The following HDAC9 variants were observed in gnomAD, a reference collection of about 807,000 sequenced individuals.
HDAC9 encodes the protein MEF-2 interacting transcription repressor (MITR) protein.
A neutral mutation model predicts 139.4 loss-of-function variants in HDAC9; 41 were observed. The ratio of observed to expected loss-of-function variants is 0.29; its 90% CI spans 0.23 to 0.38. The LOEUF (loss-of-function observed/expected upper bound fraction) is 0.38, where lower values mean the gene tolerates loss of function less well. HDAC9 is among the 10% of genes least tolerant of loss of function. The pLI is 1.00. For synonymous variants in HDAC9, 517 were observed against 476.2 expected, an observed-to-expected ratio of 1.09 and a Z score of -1.12; for missense variants, 1,147 against 1,297.0, an observed-to-expected ratio of 0.88 and a Z score of 1.78.
chr7:18,591,126 G>C (rs1830822206), intron 4 of HDAC9, among the ~76,000 whole-genome samples: 2 of 152,098 alleles, frequency 1.3e-5, no homozygotes, highest in Admixed American at 1.3e-4. Context: ...ATTTTAATGT[G>C]TTTAAGGGAT....
intron 13 of HDAC9, among the ~76,000 whole-genome samples, chr7:18,742,990 TG>T (rs1787594702): frequency 6.6e-6 from 1 of 152,228 alleles, no homozygotes; most frequent in Non-Finnish European, 1.5e-5. Context: ...AATCTTATTT[TG>T]CTTCCTATAG....
At chr7:18,889,096 C>T (rs1008429035) in intron 22 of HDAC9, among the ~76,000 whole-genome samples, 1 of 152,164 alleles carries the variant, frequency 6.6e-6, no homozygotes, top group African/African-American at 2.4e-5. Flanking sequence ...TCTATGTACT[C>T]TCTACCCTAC....
At chr7:18,178,896 T>C (rs763991803) in intron 2 of HDAC9, among the ~76,000 whole-genome samples, 6 of 152,350 alleles carry the variant, frequency 3.9e-5, no homozygotes, top group Middle Eastern at 3.4e-3. Context: ...TTTAAAGTGA[T>C]AGACTAATAA....
chr7:18,446,884 T>A (rs1355763405), intron 1 of HDAC9, among the ~76,000 whole-genome samples: 2 of 152,182 alleles, frequency 1.3e-5, no homozygotes, highest in Non-Finnish European at 2.9e-5. Flanking sequence ...ATGATTAATT[T>A]TTTTCCTAAG....
rs1301916818 is a variant in HDAC9 at position 18,255,343 on chromosome 7, G to A, written c.25+92994G>A. On this transcript the variant is annotated intron_variant, in intron 2 of 12. Coordinates refer to the HDAC9 transcript ENST00000417496. ...GATTCTTTTTAGGTTGGAGAGCCGG[G>A]CAAGACAACATCATGAGGAAGGAAG... is the stretch of plus-strand genomic sequence containing the variant. Among the ~76,000 whole-genome samples, 3 of 152,300 alleles carry A rather than the reference G, an allele frequency of 2.0e-5. No individual in the cohort carries two copies. The East Asian group carries it at 5.8e-4, about 29-fold the overall frequency.
chr7:18,857,964 A>G (rs1393854731), intron 21 of HDAC9, among the ~76,000 whole-genome samples: 2 of 152,188 alleles, frequency 1.3e-5, no homozygotes, highest in Non-Finnish European at 2.9e-5. Flanking sequence ...TGATGTACTA[A>G]TAACTGTGGA....
At chr7:18,434,177 A>G (rs545622814) in intron 1 of HDAC9, among the ~76,000 whole-genome samples, 48 of 152,318 alleles carry the variant, frequency 3.2e-4, no homozygotes, top group African/African-American at 1.1e-3. Flanking sequence ...TGATTCCTAT[A>G]TAATATATGG....
intron 2 of HDAC9, among the ~76,000 whole-genome samples, chr7:18,273,925 C>G (rs1407169098): frequency 6.6e-6 from 1 of 152,096 alleles, no homozygotes; most frequent in East Asian, 1.9e-4. Flanking sequence ...TTGTGAAGTT[C>G]AATGTCACCA....
At chr7:18,272,683 A>C (rs1394929261) in intron 2 of HDAC9, among the ~76,000 whole-genome samples, 1 of 152,142 alleles carries the variant, frequency 6.6e-6, no homozygotes, top group African/African-American at 2.4e-5. Context: ...TCAATGGAGA[A>C]ATACTATTTT....
intron 1 of HDAC9, among the ~76,000 whole-genome samples, chr7:18,393,138 A>T (rs571398405): frequency 7.1e-4 from 105 of 148,496 alleles, no homozygotes; most frequent in African/African-American, 1.5e-3. Context: ...TTTTTTTTTT[A>T]AAAAAACATA....
chr7:18,842,555 G>A (rs369880761), intron 21 of HDAC9, among the ~76,000 whole-genome samples: 3 of 151,778 alleles, frequency 2.0e-5, no homozygotes, highest in African/African-American at 4.8e-5. Flanking sequence ...TCTATTTTCC[G>A]TATGTTGAGA....
chr7:18,911,664 G>C (rs1410986551), intron 22 of HDAC9, among the ~76,000 whole-genome samples: 1 of 151,292 alleles, frequency 6.6e-6, no homozygotes, highest in African/African-American at 2.4e-5. Flanking sequence ...TACTGTTTTT[G>C]CTGTATCCCA....
At chr7:18,119,892 T>C (rs941379323) in intron 1 of HDAC9, among the ~76,000 whole-genome samples, 5 of 152,222 alleles carry the variant, frequency 3.3e-5, no homozygotes, top group Admixed American at 6.5e-5. Flanking sequence ...AGGTGTCATA[T>C]TGAGAATTCA....
chr7:18,376,982 A>G (rs1331844512), intron 1 of HDAC9, among the ~76,000 whole-genome samples: 1 of 152,074 alleles, frequency 6.6e-6, no homozygotes. Context: ...GAACAAGCAT[A>G]TGATTATTGA....
chr7:18,440,262 G>A lies in HDAC9; in HGVS notation c.-41-56000G>A, dbSNP rs1050005316. 6.1e-5 allele frequency among the ~76,000 whole-genome samples: 9 copies of A among 147,058 alleles called. No homozygotes were observed. In the East Asian group the frequency reaches 8.0e-4, roughly 13 times the overall value. On this transcript the variant is annotated intron_variant, in intron 1 of 3. Coordinates refer to the HDAC9 transcript ENST00000413509. Reference sequence around the variant, plus strand: ...TGCAGTGGTGCGATCTCGGCTCACCGCAAACTCCGCCTCCCAGGTTAAAGT... The same window carrying A: ...TGCAGTGGTGCGATCTCGGCTCACCACAAACTCCGCCTCCCAGGTTAAAGT...
chr7:18,662,080 C>A (rs967774984), intron 11 of HDAC9, among the ~76,000 whole-genome samples: 1 of 152,190 alleles, frequency 6.6e-6, no homozygotes, highest in South Asian at 2.1e-4. Flanking sequence ...CCTTAACTTG[C>A]TAACGATGGG....
chr7:18,170,948 C>T (rs936151985), intron 2 of HDAC9, among the ~76,000 whole-genome samples: 8 of 151,948 alleles, frequency 5.3e-5, no homozygotes, highest in Admixed American at 3.9e-4. Context: ...TGGTTCCATA[C>T]GAACTTTAAA....
intron 2 of HDAC9, among the ~76,000 whole-genome samples, chr7:18,549,978 T>G (rs1373122653): frequency 6.6e-6 from 1 of 151,910 alleles, no homozygotes; most frequent in Non-Finnish European, 1.5e-5. Context: ...GATAGCTTAC[T>G]TTTCTTGCTT....
At chr7:18,791,603 C>G (rs143876403) in intron 16 of HDAC9, among the ~76,000 whole-genome samples, 6 of 152,138 alleles carry the variant, frequency 3.9e-5, no homozygotes, top group African/African-American at 1.4e-4. Context: ...CAGTGCAGAC[C>G]ATGATGGTAT....
Sources: gnomAD v4.1 joint callset for allele counts (sites outside exome capture counted in the v4.1 genomes callset) on GRCh38, gnomAD v4.1.1 for gene constraint, MANE v1.5 for transcripts, NCBI Gene and HGNC (gene_info 2026-07-23, HGNC 2026-07-21) for gene names.